HOXC4: variants seen among roughly 807,000 people sequenced by gnomAD.
HOXC4 encodes homeobox C4.
A neutral mutation model predicts 25.5 loss-of-function variants in HOXC4; 15 were observed. The observed-to-expected ratio is 0.59, with a 90% CI of 0.39 to 0.91. The LOEUF (loss-of-function observed/expected upper bound fraction) is 0.91, where lower values mean the gene tolerates loss of function less well. HOXC4 is among the 40% of genes least tolerant of loss of function. The pLI is 0.00. For missense variants in HOXC4, 342 were observed against 352.4 expected (o/e 0.97, Z 0.24); for synonymous variants, 165 against 148.0 (o/e 1.11, Z -0.83).
intron 1 of HOXC4, among the ~76,000 whole-genome samples, chr12:54,018,006 C>T (rs146096084): frequency 1.7e-3 from 256 of 152,296 alleles, no homozygotes; most frequent in Non-Finnish European, 3.2e-3. Flanking sequence ...GCTAGGCGGC[C>T]GGCGGGGCCT....
chr12:54,042,417 G>A (rs1342676778), intron 1 of HOXC4, among the ~76,000 whole-genome samples: 1 of 152,186 alleles, frequency 6.6e-6, no homozygotes. Context: ...TGAAGAGTTA[G>A]GAAACAAAGA....
chr12:54,049,801 A>G (rs1267670265), upstream of HOXC4, among the ~76,000 whole-genome samples: 1 of 142,144 alleles, frequency 7.0e-6, no homozygotes, highest in Non-Finnish European at 1.5e-5. Context: ...CACACACACG[A>G]AAAAAATGGG....
intron 1 of HOXC4, among the ~76,000 whole-genome samples, chr12:54,043,151 G>A (rs978795841): frequency 1.3e-5 from 2 of 152,254 alleles, no homozygotes; most frequent in African/African-American, 4.8e-5. Flanking sequence ...GCTATGAGAA[G>A]AGGTTGAACA....
chr12:54,040,950 G>C (rs964934358), intron 1 of HOXC4, among the ~76,000 whole-genome samples: 1 of 152,202 alleles, frequency 6.6e-6, no homozygotes, highest in Non-Finnish European at 1.5e-5. Flanking sequence ...AAGGGTTCTG[G>C]AAAGGAATGA....
chr12:54,048,576 A>G (rs1937776061), intron 1 of HOXC4, among the ~76,000 whole-genome samples: 1 of 152,156 alleles, frequency 6.6e-6, no homozygotes, highest in Non-Finnish European at 1.5e-5. Context: ...CCAAGTCCTC[A>G]TGAATTCTGA....
chr12:54,033,665 A>G, intron 1 of HOXC4: 1 of 1,196,320 alleles, frequency 8.4e-7, no homozygotes, highest in Non-Finnish European at 1.1e-6. Context: ...ACCTGCGGCC[A>G]TAAATTTTAC....
chr12:54,038,117 G>T, intron 1 of HOXC4: 1 of 152,268 alleles, frequency 6.6e-6, no homozygotes, highest in African/African-American at 2.4e-5. Context: ...GGGGGAGGGG[G>T]AAAAGGCCTT....
rs1335473854 is a variant in HOXC4 at position 54,054,420 on chromosome 12, C to G, written c.439+59C>G. 2.5e-6 allele frequency: 3 copies of G among 1,201,232 alleles called. No individual in the cohort carries two copies. The African/African-American group carries it at 4.6e-5, about 18-fold the overall frequency. 74.4% of individuals were successfully genotyped at this position (1,201,232 alleles called of 1,614,324 possible). ...TCCCTTCTTCCCTAGCGCTCCCCAC[C>G]CTCCTCGGCCCCCTCTGGCCCCCGT... On this transcript the variant is annotated intron_variant, in intron 1 of 1. Coordinates refer to ENST00000430889, the MANE Select transcript of HOXC4 (RefSeq NM_153633.3).
intron 1 of HOXC4, among the ~76,000 whole-genome samples, chr12:54,043,858 A>G (rs1259308025): frequency 6.6e-6 from 1 of 151,780 alleles, no homozygotes; most frequent in Non-Finnish European, 1.5e-5. Context: ...GACATTAGAG[A>G]TAAATCTTGT....
At chr12:54,039,128 G>A (rs550961142) in intron 1 of HOXC4, among the ~76,000 whole-genome samples, 6 of 152,196 alleles carry the variant, frequency 3.9e-5, no homozygotes, top group South Asian at 2.1e-4. Flanking sequence ...GAATGCCAGC[G>A]GACCCATAGG....
chr12:54,039,403 C>T (rs1385070311), intron 1 of HOXC4, among the ~76,000 whole-genome samples: 1 of 152,072 alleles, frequency 6.6e-6, no homozygotes, highest in African/African-American at 2.4e-5. Context: ...AGCTGAGCCC[C>T]ATTCTTCAGT....
chr12:54,019,358 C>CGCG (rs1393925768), intron 1 of HOXC4, among the ~76,000 whole-genome samples: 1 of 152,172 alleles, frequency 6.6e-6, no homozygotes, highest in Non-Finnish European at 1.5e-5. Flanking sequence ...GCTGATGCCC[C>CGCG]GCGGATCCAG....
chr12:54,053,837 C>CT lies in HOXC4; in HGVS notation c.-83dup. On this transcript the variant is annotated 5_prime_UTR_variant, in exon 1 of 2. Transcript: ENST00000430889. ...CGGAGGAGTCACATGGTGAAAGTAA[C>CT]TTTACAGGGTCGCTAGCTAGTAGGA... 1 of 1,070,956 alleles carries CT rather than the reference C, an allele frequency of 9.3e-7. No homozygotes were observed. The highest frequency in any genetic ancestry group is 1.5e-5 in the South Asian group (1 of 67,796). The allele number at this position is 1,070,956 out of a possible 1,614,324, so 66.3% of individuals were successfully genotyped here.
At chr12:54,024,198 G>T (rs1017914667) in intron 1 of HOXC4, among the ~76,000 whole-genome samples, 1 of 152,126 alleles carries the variant, frequency 6.6e-6, no homozygotes, top group Non-Finnish European at 1.5e-5. Context: ...AGGGGCCAGC[G>T]GGGCAACCGT....
Position 54,054,937 on chromosome 12 carries a change from A to G in HOXC4, c.527A>G (p.His176Arg), listed in dbSNP as rs1937940079. The change falls in exon 2 of 2, where the codon CAT (histidine) becomes CGT (arginine). Residue 176 changes from histidine to arginine, a missense_variant. His to Arg is a conservative substitution (Grantham distance 29). Coordinates refer to ENST00000430889, the MANE Select transcript of HOXC4 (RefSeq NM_153633.3). ...QQVLELEKEF[H>R]YNRYLTRRRR... Reference sequence around the variant, plus strand: ...GTCCTGGAATTAGAGAAAGAGTTTCATTACAACCGCTACCTGACCCGAAGG... The same window carrying G: ...GTCCTGGAATTAGAGAAAGAGTTTCGTTACAACCGCTACCTGACCCGAAGG... 1 of 1,613,940 alleles carries G rather than the reference A, an allele frequency of 6.2e-7. No homozygotes were observed. Among genetic ancestry groups the G allele is most frequent in the Admixed American group, 1.7e-5 (1 of 60,004 alleles).
At chr12:54,025,501 T>A (rs1046090025) in intron 1 of HOXC4, among the ~76,000 whole-genome samples, 2 of 139,180 alleles carry the variant, frequency 1.4e-5, no homozygotes, top group Non-Finnish European at 3.1e-5. Context: ...AGAGGGCTTC[T>A]TCTTTCCTCA....
intron 1 of HOXC4, among the ~76,000 whole-genome samples, chr12:54,036,165 A>C (rs1941181278): frequency 6.6e-6 from 1 of 152,174 alleles, no homozygotes; most frequent in Admixed American, 6.5e-5. Context: ...TCTGAGGATC[A>C]GGTCCTTCTC....
chr12:54,042,365 C>A (rs1468796445), intron 1 of HOXC4, among the ~76,000 whole-genome samples: 2 of 152,218 alleles, frequency 1.3e-5, no homozygotes, highest in Non-Finnish European at 2.9e-5. Context: ...GACCAACTCT[C>A]ACCCTCAATG....
Position 54,054,225 on chromosome 12 carries a change from G to A in HOXC4, c.303G>A (p.Ala101=). ...PEKSQSLCEP[A]PLSGASASPS... ...AATCACAGTCGCTCTGCGAGCCGGC[G>A]CCTCTCTCAGGCGCCTCCGCCTCCC... The change falls in exon 1 of 2, where the codon GCG becomes GCA. Residue 101 remains alanine, a synonymous_variant. Transcript: ENST00000430889. 6.2e-7 allele frequency: 1 copy of A among 1,611,498 alleles called. No homozygotes were observed. Among genetic ancestry groups the A allele is most frequent in the Non-Finnish European group, 8.5e-7 (1 of 1,178,938 alleles).
Sources: allele counts gnomAD v4.1 joint callset (sites outside exome capture counted in the v4.1 genomes callset), GRCh38; gene constraint gnomAD v4.1.1; transcripts MANE v1.5; gene names NCBI Gene and HGNC (gene_info 2026-07-23, HGNC 2026-07-21).